CCNYL1: variants seen among roughly 807,000 people sequenced by gnomAD.
The protein encoded by CCNYL1 is cyclin-Y-like protein 1.
A neutral mutation model predicts 44.2 loss-of-function variants in CCNYL1; 16 were observed. The ratio of observed to expected loss-of-function variants is 0.36; its 90% CI spans 0.25 to 0.55. CCNYL1 has a LOEUF of 0.55. Ranked by LOEUF, CCNYL1 falls within the 20% of genes least tolerant of loss-of-function variation. CCNYL1 has a pLI of 0.85. For missense variants in CCNYL1, 348 were observed against 451.8 expected (o/e 0.77, Z 2.08); for synonymous variants, 159 against 163.2 (o/e 0.97, Z 0.20).
chr2:207,716,590 C>T (rs940122779), intron 1 of CCNYL1, among the ~76,000 whole-genome samples: 1 of 152,088 alleles, frequency 6.6e-6, no homozygotes, highest in African/African-American at 2.4e-5. Context: ...TATCGCATGC[C>T]TTCTAGTAAC....
At chr2:207,738,253 G>T (rs2091780512) in intron 5 of CCNYL1, among the ~76,000 whole-genome samples, 1 of 151,736 alleles carries the variant, frequency 6.6e-6, no homozygotes, top group Non-Finnish European at 1.5e-5. Context: ...ACGGAGTCTT[G>T]TCTGTTGCCC....
chr2:207,721,301 CT>C (rs1253788778), intron 1 of CCNYL1, among the ~76,000 whole-genome samples: 3 of 152,176 alleles, frequency 2.0e-5, no homozygotes, highest in Non-Finnish European at 4.4e-5. Flanking sequence ...CTGTCAGTTA[CT>C]TTCTTGGTTG....
At chr2:207,729,017 T>G (rs1284349766) in intron 3 of CCNYL1, among the ~76,000 whole-genome samples, 1 of 152,126 alleles carries the variant, frequency 6.6e-6, no homozygotes, top group African/African-American at 2.4e-5. Context: ...CAGGATGGTC[T>G]TGATCTCCTG....
intron 1 of CCNYL1, among the ~76,000 whole-genome samples, chr2:207,718,429 G>C (rs116052620): frequency 0.011 from 1,745 of 152,006 alleles, 46 homozygotes; most frequent in African/African-American, 0.04. Flanking sequence ...AATCTCCTGA[G>C]CCCAGGAAGT....
At chr2:207,740,978 G>A (rs1217584292) in intron 6 of CCNYL1, among the ~76,000 whole-genome samples, 8 of 152,098 alleles carry the variant, frequency 5.3e-5, no homozygotes, top group African/African-American at 1.2e-4. Context: ...TTTTCAGGCC[G>A]GGCACGGTGG....
chr2:207,750,974 A>G lies in CCNYL1; in HGVS notation c.824A>G (p.His275Arg). The change falls in exon 9 of 10, where the codon CAT (histidine) becomes CGT (arginine). Residue 275 changes from histidine to arginine, a missense_variant. Coordinates refer to ENST00000295414, the MANE Select transcript of CCNYL1 (RefSeq NM_001330218.2). ...TVEDMNEMER[H>R]FLELLQFNIN... ...TCCTCCAGGAATGAAATGGAAAGGC[A>G]TTTTCTGGAGCTTCTTCAGTTTAAT... The G allele has an allele frequency of 2.5e-6, 4 of 1,613,650 alleles. No individual in the cohort carries two copies. The highest frequency in any genetic ancestry group is 2.2e-5 in the South Asian group (2 of 91,040).
intron 1 of CCNYL1, among the ~76,000 whole-genome samples, chr2:207,723,774 C>G (rs1049266799): frequency 3.4e-5 from 5 of 148,992 alleles, no homozygotes; most frequent in African/African-American, 1.2e-4. Context: ...ATTTGGGATA[C>G]TGAGGCAGGA....
intron 3 of CCNYL1, among the ~76,000 whole-genome samples, chr2:207,731,256 G>A (rs1034587610): frequency 5.3e-5 from 8 of 151,900 alleles, no homozygotes; most frequent in African/African-American, 1.9e-4. Flanking sequence ...TAGGCACAAT[G>A]GGAAAAGTCA....
intron 7 of CCNYL1, among the ~76,000 whole-genome samples, chr2:207,744,185 A>G (rs1248378684): frequency 6.6e-6 from 1 of 152,064 alleles, no homozygotes; most frequent in Non-Finnish European, 1.5e-5. Flanking sequence ...GAGTGCTGGC[A>G]TTACAGGCAG....
rs545051567 is a variant in CCNYL1, at chr2:207,755,088, A to C, written c.*1390A>C. Reference sequence around the variant, plus strand: ...TTAGAAAAATGCAAAATTAAATGCAAAAGAAATGGGCTGGGCATAGTGATT... The same window carrying C: ...TTAGAAAAATGCAAAATTAAATGCACAAGAAATGGGCTGGGCATAGTGATT... On this transcript the variant is annotated 3_prime_UTR_variant, in exon 10 of 10. Transcript: ENST00000295414. 1.3e-5 allele frequency: 2 copies of C among 152,138 alleles called. No homozygotes were observed. The highest frequency in any genetic ancestry group is 3.9e-4 in the East Asian group (2 of 5,140). 9.4% of individuals were successfully genotyped at this position (152,138 alleles called of 1,614,324 possible). A position where few individuals can be genotyped will look rare whatever the true frequency, so the allele number is the denominator to read the frequency against.
At chr2:207,732,138 G>T (rs1426530149) in intron 3 of CCNYL1, among the ~76,000 whole-genome samples, 3 of 152,160 alleles carry the variant, frequency 2.0e-5, no homozygotes, top group East Asian at 3.9e-4. Context: ...GAATGTATTT[G>T]AATGAGTCAG....
chr2:207,714,857 A>G (rs1226512694), intron 1 of CCNYL1: 1 of 153,530 alleles, frequency 6.5e-6, no homozygotes. Context: ...ATAAGTTTCC[A>G]TAGAAACATG....
rs2091860779 is a variant in CCNYL1, at chr2:207,747,225, A to C, written c.806+12A>C. 6.3e-7 allele frequency: 1 copy of C among 1,593,456 alleles called. No individual in the cohort carries two copies. Among genetic ancestry groups the C allele is most frequent in the African/African-American group, 1.3e-5 (1 of 74,472 alleles). On this transcript the variant is annotated intron_variant, in intron 8 of 9. Transcript: ENST00000295414. The stretch of plus-strand genomic sequence containing the variant: ...ACAGTTGAGGACATGTGAGTTTGTA[A>C]GGTTTTGGTGAACTTTCTAACCATT...
Position 207,754,881 on chromosome 2 carries a change from T to C in CCNYL1, c.*1183T>C, listed in dbSNP as rs779269630. On this transcript the variant is annotated 3_prime_UTR_variant, in exon 10 of 10. Transcript: ENST00000295414. ...CTGAAACAAAAAATTAAAAGCTTTA[T>C]ATTCAAAATTTGCAAAATGAAGCTG... is the stretch of plus-strand genomic sequence containing the variant. 6.6e-6 allele frequency: 1 copy of C among 152,234 alleles called. No individual in the cohort carries two copies. The highest frequency in any genetic ancestry group is 1.5e-5 in the Non-Finnish European group (1 of 68,098). The allele number at this position is 152,234 out of a possible 1,614,324, so 9.4% of individuals were successfully genotyped here. A position where few individuals can be genotyped will look rare whatever the true frequency, so the allele number is the denominator to read the frequency against.
chr2:207,754,642 A>G lies in CCNYL1; in HGVS notation c.*944A>G, dbSNP rs2091918031. ...TTTTGTTTTGTTTGTTTTTAAAGAGATGGGGGTCTTACTGCGTTGTCCAGG... is the reference window on the plus strand; with the variant it reads ...TTTTGTTTTGTTTGTTTTTAAAGAGGTGGGGGTCTTACTGCGTTGTCCAGG... On this transcript the variant is annotated 3_prime_UTR_variant, in exon 10 of 10. Coordinates refer to ENST00000295414, the MANE Select transcript of CCNYL1 (RefSeq NM_001330218.2). 1 of 152,592 alleles carries G rather than the reference A, an allele frequency of 6.6e-6. No individual in the cohort carries two copies. The highest frequency in any genetic ancestry group is 2.4e-5 in the African/African-American group (1 of 41,456). The allele number at this position is 152,592 out of a possible 1,614,324, so 9.5% of individuals were successfully genotyped here.
At chr2:207,721,973 A>C (rs2091643727) in intron 1 of CCNYL1, among the ~76,000 whole-genome samples, 1 of 151,366 alleles carries the variant, frequency 6.6e-6, no homozygotes, top group South Asian at 2.1e-4. Context: ...TCACATGCCC[A>C]CCCTAAAACC....
chr2:207,739,213 G>C (rs542141916), intron 5 of CCNYL1, among the ~76,000 whole-genome samples: 1 of 151,844 alleles, frequency 6.6e-6, no homozygotes, highest in South Asian at 2.1e-4. Flanking sequence ...GAAGTGACAG[G>C]CTTCATTTTT....
At chr2:207,745,754 G>A (rs1319703608) in intron 7 of CCNYL1, among the ~76,000 whole-genome samples, 1 of 152,134 alleles carries the variant, frequency 6.6e-6, no homozygotes, top group Non-Finnish European at 1.5e-5. Flanking sequence ...TTTGAGACCA[G>A]CCTGGCCAAC....
At chr2:207,728,198 A>G (rs962639551) in intron 3 of CCNYL1, among the ~76,000 whole-genome samples, 6 of 151,584 alleles carry the variant, frequency 4.0e-5, no homozygotes, top group Non-Finnish European at 2.9e-5. Context: ...TCCTGACCTC[A>G]GGTGATCTGC....
Sources: gnomAD v4.1 joint callset for allele counts (sites outside exome capture counted in the v4.1 genomes callset) on GRCh38, gnomAD v4.1.1 for gene constraint, MANE v1.5 for transcripts, NCBI Gene and HGNC (gene_info 2026-07-23, HGNC 2026-07-21) for gene names.